NOVA2: variants seen among roughly 807,000 people sequenced by gnomAD.
The protein encoded by NOVA2 is NOVA alternative splicing regulator 2.
In NOVA2, 9 loss-of-function variants were observed where a neutral mutation model predicts 22.5. The ratio of observed to expected loss-of-function variants is 0.40; its 90% CI spans 0.24 to 0.70. NOVA2 has a LOEUF of 0.70. Ranked by LOEUF, NOVA2 falls within the 30% of genes least tolerant of loss-of-function variation. The pLI is 0.38. For missense variants in NOVA2, 383 were observed against 682.8 expected, an observed-to-expected ratio of 0.56 and a Z score of 4.89; for synonymous variants, 318 against 335.2, an observed-to-expected ratio of 0.95 and a Z score of 0.56.
intron 1 of NOVA2, among the ~76,000 whole-genome samples, chr19:45,972,673 A>G (rs942962815): frequency 9.2e-5 from 14 of 152,060 alleles, no homozygotes; most frequent in African/African-American, 3.4e-4. Flanking sequence ...GCACACATAC[A>G]CACACACGCA....
At chr19:45,946,521 A>G (rs1967840510) in intron 3 of NOVA2, among the ~76,000 whole-genome samples, 1 of 152,192 alleles carries the variant, frequency 6.6e-6, no homozygotes, top group Non-Finnish European at 1.5e-5. Flanking sequence ...GTTGACAGTA[A>G]TACAATAATG....
chr19:45,949,583 A>G (rs2146413616), intron 3 of NOVA2, among the ~76,000 whole-genome samples: 1 of 152,254 alleles, frequency 6.6e-6, no homozygotes, highest in Non-Finnish European at 1.5e-5. Context: ...TTTACTTCTC[A>G]GAGCCTCTTT....
At chr19:45,954,763 G>A (rs1967978606) in intron 2 of NOVA2, among the ~76,000 whole-genome samples, 1 of 151,674 alleles carries the variant, frequency 6.6e-6, no homozygotes, top group Non-Finnish European at 1.5e-5. Context: ...GGGGCACGGG[G>A]GAGAGAGAAA....
intron 3 of NOVA2, among the ~76,000 whole-genome samples, chr19:45,941,680 T>TC (rs1328597819): frequency 9.2e-5 from 14 of 152,192 alleles, no homozygotes; most frequent in African/African-American, 2.9e-4. Context: ...GAGGATAACT[T>TC]GAGCCCAGGA....
chr19:45,940,868 T>G lies in NOVA2; in HGVS notation c.474A>C (p.Glu158Asp). The change falls in exon 4 of 4, where the codon GAA (glutamate) becomes GAC (aspartate). Residue 158 changes from glutamate to aspartate, a missense_variant. Coordinates refer to ENST00000263257, the MANE Select transcript of NOVA2 (RefSeq NM_002516.4). ...ACAGCTGCACCCATGCTCCTGACTG[T>G]TCCATCACGGCTTTCACCGTGGCGC... Reference protein sequence around the residue: ...KGGATVKAVMEQSGAWVQLSQ... With the variant: ...KGGATVKAVMDQSGAWVQLSQ... The G allele has an allele frequency of 6.2e-7, 1 of 1,606,480 alleles. No homozygotes were observed. The highest frequency in any genetic ancestry group is 1.3e-5 in the African/African-American group (1 of 75,058).
intron 2 of NOVA2, among the ~76,000 whole-genome samples, chr19:45,957,832 C>G (rs566388679): frequency 1.3e-5 from 2 of 151,938 alleles, no homozygotes; most frequent in Non-Finnish European, 2.9e-5. Flanking sequence ...GGTGGCCGGT[C>G]GCGGTGGCTC....
intron 1 of NOVA2, among the ~76,000 whole-genome samples, chr19:45,968,231 G>A (rs1968190668): frequency 6.6e-6 from 1 of 152,036 alleles, no homozygotes; most frequent in African/African-American, 2.4e-5. Context: ...GGGGAAGGGA[G>A]AGCTGGCATG....
chr19:45,962,804 A>C (rs775510575), intron 1 of NOVA2, among the ~76,000 whole-genome samples: 15 of 151,784 alleles, frequency 9.9e-5, no homozygotes, highest in Middle Eastern at 3.4e-3. Flanking sequence ...CCGCCACCAC[A>C]CGTGGCTAAT....
intron 3 of NOVA2, among the ~76,000 whole-genome samples, chr19:45,941,686 C>T (rs1245776698): frequency 1.3e-5 from 2 of 152,148 alleles, no homozygotes; most frequent in African/African-American, 4.8e-5. Context: ...AACTTGAGCC[C>T]AGGAGTTTGA....
At chr19:45,941,070 A>C in intron 3 of NOVA2, 125 bp from the exon 4 acceptor site, 1 of 896,456 alleles carries the variant, frequency 1.1e-6, no homozygotes, top group Non-Finnish European at 1.6e-6. Flanking sequence ...CAGGCAGATT[A>C]CTTGAGGTCA....
At position 45,961,074 on chromosome 19, in the gene NOVA2, G is replaced by A. The variant is rs1968089185; in HGVS notation, c.165C>T (p.Ile55=). Residue 55 remains isoleucine, a synonymous_variant, in exon 2 of 4, where the codon ATC becomes ATT. Transcript: ENST00000263257. ...GSIIGKGGQT[I]VQLQKETGAT... Reference sequence around the variant, plus strand: ...CTCCGGTCTCCTTCTGCAGCTGCACGATGGTCTGCCCGCCCTTGCCAATGA... The same window carrying A: ...CTCCGGTCTCCTTCTGCAGCTGCACAATGGTCTGCCCGCCCTTGCCAATGA... The A allele has an allele frequency of 1.3e-6, 2 of 1,586,430 alleles. No homozygotes were observed. The highest frequency in any genetic ancestry group is 1.8e-5 in the Admixed American group (1 of 55,734).
intron 2 of NOVA2, among the ~76,000 whole-genome samples, chr19:45,960,220 T>C (rs1968075001): frequency 7.1e-6 from 1 of 141,556 alleles, no homozygotes; most frequent in African/African-American, 2.9e-5. Context: ...AAGAAATGTG[T>C]GACGCCCGCA....
intron 3 of NOVA2, among the ~76,000 whole-genome samples, chr19:45,952,724 G>C (rs997195919): frequency 6.6e-6 from 1 of 152,190 alleles, no homozygotes; most frequent in South Asian, 2.1e-4. Flanking sequence ...GGCGGGGAGC[G>C]AGGAGCTTCA....
At chr19:45,966,330 C>G (rs1054497655) in intron 1 of NOVA2, among the ~76,000 whole-genome samples, 2 of 152,216 alleles carry the variant, frequency 1.3e-5, no homozygotes, top group Non-Finnish European at 2.9e-5. Flanking sequence ...GCACCCATGA[C>G]CTTCCAGTCC....
chr19:45,954,555 C>A (rs894338223), intron 2 of NOVA2, among the ~76,000 whole-genome samples: 1 of 151,368 alleles, frequency 6.6e-6, no homozygotes, highest in African/African-American at 2.4e-5. Context: ...CCTGTCTGAA[C>A]CCACCAGATG....
At chr19:45,943,735 T>G (rs1445393910) in intron 3 of NOVA2, among the ~76,000 whole-genome samples, 2 of 149,176 alleles carry the variant, frequency 1.3e-5, no homozygotes, top group Non-Finnish European at 3.0e-5. Flanking sequence ...AAAAAAAGTC[T>G]CTGAGCCCAG....
chr19:45,963,318 G>T (rs1213586090), intron 1 of NOVA2, among the ~76,000 whole-genome samples: 4 of 151,780 alleles, frequency 2.6e-5, no homozygotes, highest in Admixed American at 1.3e-4. Flanking sequence ...GGCAGAACTT[G>T]CAGTGAGCCG....
At chr19:45,942,799 C>T (rs1967779359) in intron 3 of NOVA2, among the ~76,000 whole-genome samples, 1 of 152,122 alleles carries the variant, frequency 6.6e-6, no homozygotes, top group Admixed American at 6.6e-5. Context: ...CCTGTGGAGA[C>T]ATTTCAAAAC....
chr19:45,936,134 A>G lies in NOVA2; in HGVS notation c.*3729T>C, dbSNP rs1967649112. On this transcript the variant is annotated 3_prime_UTR_variant, in exon 4 of 4. Transcript: ENST00000263257. ...AGCCCCCTGAGATGGGGGATGAAGG[A>G]GGTTAATTTGGCACATCGAACCCCC... The G allele has an allele frequency of 6.6e-6, 1 of 152,190 alleles. No individual in the cohort carries two copies. The allele number at this position is 152,190 out of a possible 1,614,324, so 9.4% of individuals were successfully genotyped here.
Sources: allele counts gnomAD v4.1 joint callset (sites outside exome capture counted in the v4.1 genomes callset), GRCh38; gene constraint gnomAD v4.1.1; transcripts MANE v1.5; gene names NCBI Gene and HGNC (gene_info 2026-07-23, HGNC 2026-07-21).